Variants in SLMAP observed in about 807,000 individuals in gnomAD.
SLMAP encodes sarcolemma associated protein, also known as sarcolemmal membrane-associated protein.
A neutral mutation model predicts 128.8 loss-of-function variants in SLMAP; 44 were observed. The ratio of observed to expected loss-of-function variants is 0.34; its 90% CI spans 0.27 to 0.44. SLMAP has a LOEUF of 0.44. Ranked by LOEUF, SLMAP falls within the 20% of genes least tolerant of loss-of-function variation. The pLI is 1.00. For synonymous variants in SLMAP, 327 were observed against 348.8 expected (o/e 0.94, Z 0.70); for missense variants, 787 against 985.3 (o/e 0.80, Z 2.69).
intron 4 of SLMAP, among the ~76,000 whole-genome samples, chr3:57,844,689 A>G (rs1007839152): frequency 2.0e-5 from 3 of 147,736 alleles, no homozygotes; most frequent in African/African-American, 5.0e-5. Context: ...AATCCCTATT[A>G]TACCATTTGT....
chr3:57,844,493 G>T (rs1302908280), intron 4 of SLMAP, among the ~76,000 whole-genome samples: 1 of 151,502 alleles, frequency 6.6e-6, no homozygotes, highest in Non-Finnish European at 1.5e-5. Context: ...CCTTCTTATG[G>T]TTTGTATATG....
At position 57,881,687 on chromosome 3, in the gene SLMAP, C is replaced by G. The variant is rs184894192; in HGVS notation, c.1301-8354C>G. Reference sequence around the variant, plus strand: ...TGGCCAGGATGGTCTCGATCTTGACCTCGTGATGCGCCCACCTCGGCCTCC... The same window carrying G: ...TGGCCAGGATGGTCTCGATCTTGACGTCGTGATGCGCCCACCTCGGCCTCC... On this transcript the variant is annotated intron_variant, in intron 14 of 24. Coordinates refer to ENST00000671191, the MANE Select transcript of SLMAP (RefSeq NM_001377540.1). Among the ~76,000 whole-genome samples, 220 of 152,080 alleles carry G rather than the reference C, an allele frequency of 1.4e-3. 1 individual carries two copies. The highest frequency in any genetic ancestry group is 2.7e-3 in the Non-Finnish European group (183 of 68,010).
At chr3:57,925,218 G>C (rs2096984065) in intron 23 of SLMAP, among the ~76,000 whole-genome samples, 2 of 151,954 alleles carry the variant, frequency 1.3e-5, no homozygotes, top group South Asian at 4.2e-4. Flanking sequence ...GCTTGCCAAA[G>C]TGCTGGGATT....
intron 3 of SLMAP, among the ~76,000 whole-genome samples, chr3:57,838,287 C>CAAAT (rs1329351577): frequency 6.6e-6 from 1 of 152,190 alleles, no homozygotes; most frequent in Non-Finnish European, 1.5e-5. Context: ...TCTAGAAACT[C>CAAAT]ATTTATCATA....
At chr3:57,895,821 G>A (rs926289711) in intron 15 of SLMAP, among the ~76,000 whole-genome samples, 3 of 151,854 alleles carry the variant, frequency 2.0e-5, no homozygotes, top group African/African-American at 7.3e-5. Flanking sequence ...GCATGGTCCT[G>A]AAGTTCCAGC....
At chr3:57,832,816 T>C (rs912678852) in intron 3 of SLMAP, among the ~76,000 whole-genome samples, 5 of 152,204 alleles carry the variant, frequency 3.3e-5, no homozygotes, top group Admixed American at 6.5e-5. Flanking sequence ...ATATTTGAAT[T>C]TGGGCAGGGC....
In SLMAP at chr3:57,757,744, C is replaced by T. The variant is rs144914455; in HGVS notation, c.93C>T (p.Gly31=). Residue 31 remains glycine, a synonymous_variant, in exon 2 of 25, where the codon GGC becomes GGT. Transcript: ENST00000671191. ...HVYLDEPIKI[G]RSVARCRPAQ... The stretch of plus-strand genomic sequence containing the variant: ...ACCTGGACGAGCCCATCAAAATCGG[C>T]CGCTCAGTGGCCCGCTGTCGACCAG... 118 of 1,614,164 alleles carry T rather than the reference C, an allele frequency of 7.3e-5. 1 individual carries two copies. In the East Asian group the frequency reaches 2.6e-3, roughly 35 times the overall value.
chr3:57,859,267 G>A (rs1435496667), intron 8 of SLMAP, among the ~76,000 whole-genome samples: 2 of 149,000 alleles, frequency 1.3e-5, no homozygotes, highest in African/African-American at 5.0e-5. Context: ...AGGTTGCAGT[G>A]AGCCAAGATC....
In SLMAP at chr3:57,925,589, A is replaced by G. The variant is rs566872360; in HGVS notation, c.2446-256A>G. Among the ~76,000 whole-genome samples the G allele has an allele frequency of 3.9e-5, 6 of 152,056 alleles. No individual in the cohort carries two copies. In the South Asian group the frequency reaches 6.2e-4, roughly 16 times the overall value. ...GTGATCCACCTGCCTCAGCCTCCCA[A>G]AGTGCTGGGATTACAGGCATTGAGC... is the stretch of plus-strand genomic sequence containing the variant. On this transcript the variant is annotated intron_variant, in intron 23 of 24. Coordinates refer to ENST00000671191, the MANE Select transcript of SLMAP (RefSeq NM_001377540.1).
At position 57,761,372 on chromosome 3, in the gene SLMAP, G is replaced by A. The variant is rs753735950; in HGVS notation, c.198+3523G>A. ...TGCAGTGGTGCGATCTCAGCTCACT[G>A]CAACCTATACCTTCTGGATTCAAGA... On this transcript the variant is annotated intron_variant, in intron 2 of 24. Transcript: ENST00000671191. Among the ~76,000 whole-genome samples, 81 of 152,112 alleles carry A rather than the reference G, an allele frequency of 5.3e-4. 1 individual carries two copies. Among genetic ancestry groups the A allele is most frequent in the Admixed American group, 1.2e-3 (19 of 15,274 alleles).
intron 2 of SLMAP, among the ~76,000 whole-genome samples, chr3:57,759,806 T>C (rs1189138929): frequency 6.6e-6 from 1 of 152,212 alleles, no homozygotes; most frequent in Non-Finnish European, 1.5e-5. Context: ...CATTTTTTGT[T>C]TTACTTATTT....
chr3:57,815,112 T>C (rs1297270451), intron 2 of SLMAP, among the ~76,000 whole-genome samples: 3 of 152,200 alleles, frequency 2.0e-5, no homozygotes, highest in Non-Finnish European at 2.9e-5. Context: ...AAGATGAAAC[T>C]GTTCCACCTC....
chr3:57,841,193 G>A (rs1484838433), intron 3 of SLMAP, 106 bp from the exon 4 acceptor site: 1 of 606,414 alleles, frequency 1.6e-6, no homozygotes, highest in Non-Finnish European at 2.7e-6. Context: ...TTTTCTTTCT[G>A]AGAAATTGTT....
intron 2 of SLMAP, among the ~76,000 whole-genome samples, chr3:57,760,117 C>T (rs966951442): frequency 5.9e-5 from 9 of 152,136 alleles, no homozygotes; most frequent in African/African-American, 2.2e-4. Flanking sequence ...TTTTTATATT[C>T]TTCGTAGATA....
rs2088395791 is a variant in SLMAP, at chr3:57,801,617, A to G, written c.199-29766A>G. ...CTGTAATCTTCTTATCCATTCTTCC[A>G]TTGTTGAATATGTACTGTTTTTCCT... On this transcript the variant is annotated intron_variant, in intron 2 of 24. Transcript: ENST00000671191. 2.0e-5 allele frequency among the ~76,000 whole-genome samples: 3 copies of G among 148,760 alleles called. No homozygotes were observed. The South Asian group carries it at 6.4e-4, about 32-fold the overall frequency.
Position 57,757,907 on chromosome 3 carries a change from C to T in SLMAP, c.198+58C>T, listed in dbSNP as rs1014928090. ...TAACAAACTTTTTTTCCCCTTTTGCCCTCCCTGAGAGGACTAATGTATGCA... is the reference window on the plus strand; with the variant it reads ...TAACAAACTTTTTTTCCCCTTTTGCTCTCCCTGAGAGGACTAATGTATGCA... On this transcript the variant is annotated intron_variant, in intron 2 of 24. Transcript: ENST00000671191. 5 of 1,503,910 alleles carry T rather than the reference C, an allele frequency of 3.3e-6. No individual in the cohort carries two copies. In the African/African-American group the frequency reaches 4.1e-5, roughly 12 times the overall value. The allele number at this position is 1,503,910 out of a possible 1,614,324, so 93.2% of individuals were successfully genotyped here. A position where few individuals can be genotyped will look rare whatever the true frequency, so the allele number is the denominator to read the frequency against.
rs925908306 is a variant in SLMAP at position 57,912,323 on chromosome 3, T to C, written c.1700-58T>C. ...CCAGGTTATGCATTAGCTACAATCC[T>C]GTATGGATTATTCTTTTATTCTAAT... On this transcript the variant is annotated intron_variant, in intron 19 of 24. Transcript: ENST00000671191. The C allele has an allele frequency of 1.2e-5, 17 of 1,450,432 alleles. 1 individual carries two copies. The Admixed American group carries it at 2.7e-4, about 23-fold the overall frequency. The allele number at this position is 1,450,432 out of a possible 1,614,324, so 89.8% of individuals were successfully genotyped here. A position where few individuals can be genotyped will look rare whatever the true frequency, so the allele number is the denominator to read the frequency against.
At chr3:57,828,093 G>A (rs775674091) in intron 2 of SLMAP, among the ~76,000 whole-genome samples, 11 of 152,158 alleles carry the variant, frequency 7.2e-5, no homozygotes, top group African/African-American at 1.2e-4. Flanking sequence ...GAGTAGCTGG[G>A]ATAACAGGCG....
At chr3:57,808,986 A>G (rs538779181) in intron 2 of SLMAP, among the ~76,000 whole-genome samples, 2 of 152,272 alleles carry the variant, frequency 1.3e-5, no homozygotes, top group East Asian at 3.9e-4. Context: ...TTCTTGTTGA[A>G]TTGATCCCTC....
Sources: allele counts gnomAD v4.1 joint callset (sites outside exome capture counted in the v4.1 genomes callset), GRCh38; gene constraint gnomAD v4.1.1; transcripts MANE v1.5; gene names NCBI Gene and HGNC (gene_info 2026-07-23, HGNC 2026-07-21).